Variants in FARS2 observed in about 807,000 individuals in gnomAD.
FARS2 encodes the protein phenylalanine--tRNA ligase, mitochondrial.
FARS2 carries 40 observed loss-of-function variants against 46.4 expected under a neutral mutation model. The ratio of observed to expected loss-of-function variants is 0.86; its 90% CI spans 0.67 to 1.12. FARS2 has a LOEUF of 1.12. FARS2 is among the 50% of genes most tolerant of loss of function. FARS2 has a pLI of 0.00. For missense variants in FARS2, 513 were observed against 567.9 expected (o/e 0.90, Z 0.98); for synonymous variants, 234 against 214.9 (o/e 1.09, Z -0.78).
intron 5 of FARS2, among the ~76,000 whole-genome samples, chr6:5,599,238 A>T (rs181134326): frequency 1.3e-5 from 2 of 152,200 alleles, no homozygotes; most frequent in Non-Finnish European, 2.9e-5. Flanking sequence ...TGGAAGGCTT[A>T]TATCTGTCTC....
intron 4 of FARS2, among the ~76,000 whole-genome samples, chr6:5,520,838 A>G (rs1374724896): frequency 1.3e-5 from 2 of 152,226 alleles, no homozygotes; most frequent in South Asian, 2.1e-4. Flanking sequence ...AAAATTGAAA[A>G]TCAGAGAATA....
chr6:5,393,197 G>A (rs76758481), intron 2 of FARS2, among the ~76,000 whole-genome samples: 14 of 152,056 alleles, frequency 9.2e-5, no homozygotes, highest in African/African-American at 2.7e-4. Flanking sequence ...ATTGAATCCT[G>A]TAATGCACAG....
intron 4 of FARS2, among the ~76,000 whole-genome samples, chr6:5,462,022 T>C (rs1765270108): frequency 6.6e-6 from 1 of 152,210 alleles, no homozygotes; most frequent in African/African-American, 2.4e-5. Flanking sequence ...TGACCGTACA[T>C]GAGCAATACA....
chr6:5,580,334 A>T (rs1470674686), intron 5 of FARS2, among the ~76,000 whole-genome samples: 1 of 150,486 alleles, frequency 6.6e-6, no homozygotes, highest in South Asian at 2.1e-4. Context: ...GAAGGAAGGA[A>T]GGAAGGAAAG....
chr6:5,533,913 C>G (rs1344827458), intron 4 of FARS2, among the ~76,000 whole-genome samples: 12 of 152,198 alleles, frequency 7.9e-5, no homozygotes, highest in Non-Finnish European at 1.3e-4. Flanking sequence ...CCTTTTGTTA[C>G]GCTGTGAAAT....
chr6:5,546,350 A>G (rs2150503957), intron 5 of FARS2, among the ~76,000 whole-genome samples: 1 of 150,832 alleles, frequency 6.6e-6, no homozygotes, highest in South Asian at 2.1e-4. Flanking sequence ...TCCTGGGTTC[A>G]AGCAATTCTC....
At chr6:5,726,574 T>C (rs936151799) in intron 6 of FARS2, among the ~76,000 whole-genome samples, 1 of 152,196 alleles carries the variant, frequency 6.6e-6, no homozygotes, top group African/African-American at 2.4e-5. Flanking sequence ...TTTCCTTTAA[T>C]ATTTCTGCAA....
rs116173507 is a variant in FARS2, at chr6:5,364,494, C to G, written c.-21-4056C>G. ...TTGTATTCTTGCTCCTTTTTTGTGA[C>G]TTTATAATCTACATATATTTGTGAC... On this transcript the variant is annotated intron_variant, in intron 1 of 6. Transcript: ENST00000274680. Among the ~76,000 whole-genome samples the G allele has an allele frequency of 3.4e-3, 510 of 152,184 alleles. 1 individual carries two copies. Among genetic ancestry groups the G allele is most frequent in the African/African-American group, 0.012 (488 of 41,520 alleles).
chr6:5,456,462 G>A (rs1036255323), intron 4 of FARS2, among the ~76,000 whole-genome samples: 40 of 149,136 alleles, frequency 2.7e-4, no homozygotes, highest in African/African-American at 8.7e-4. Context: ...GGCCAGGCAC[G>A]GTGGCTCACG....
intron 3 of FARS2, among the ~76,000 whole-genome samples, chr6:5,414,685 C>T (rs1305384848): frequency 6.6e-6 from 1 of 151,332 alleles, no homozygotes; most frequent in African/African-American, 2.4e-5. Flanking sequence ...GGGTTGTTTC[C>T]AGGTTTTGGC....
chr6:5,493,737 C>G (rs976844767), intron 4 of FARS2, among the ~76,000 whole-genome samples: 1 of 152,122 alleles, frequency 6.6e-6, no homozygotes, highest in Non-Finnish European at 1.5e-5. Context: ...AGAAAGCACC[C>G]GGAATGAATG....
intron 6 of FARS2, among the ~76,000 whole-genome samples, chr6:5,718,235 A>G (rs1759654671): frequency 6.6e-6 from 1 of 152,052 alleles, no homozygotes. Flanking sequence ...TTAAAGGGCC[A>G]TTTTATTTTT....
chr6:5,634,380 G>A lies in FARS2; in HGVS notation c.1217+21060G>A, dbSNP rs1014111966. Among the ~76,000 whole-genome samples the A allele has an allele frequency of 4.6e-5, 7 of 152,170 alleles. No homozygotes were observed. The East Asian group carries it at 1.2e-3, about 25-fold the overall frequency. On this transcript the variant is annotated intron_variant, in intron 6 of 6. Coordinates refer to ENST00000274680, the MANE Select transcript of FARS2 (RefSeq NM_006567.5). ...GGCAGTGGTATGATCACAGTTCACT[G>A]CAGCCTTGACCTTCCGGGCTCAAGC...
chr6:5,373,854 C>T (rs149559357), intron 2 of FARS2, among the ~76,000 whole-genome samples: 94 of 151,778 alleles, frequency 6.2e-4, no homozygotes, highest in Admixed American at 2.4e-3. Context: ...GGGATGAAAA[C>T]GATACCCGTA....
chr6:5,281,849 A>C (rs563134963), intron 1 of FARS2, among the ~76,000 whole-genome samples: 1 of 152,336 alleles, frequency 6.6e-6, no homozygotes, highest in East Asian at 1.9e-4. Flanking sequence ...CAATTTAGTC[A>C]GTGCTCCTAG....
chr6:5,351,267 A>G (rs1757555886), intron 1 of FARS2, among the ~76,000 whole-genome samples: 1 of 152,232 alleles, frequency 6.6e-6, no homozygotes, highest in South Asian at 2.1e-4. Context: ...AATATGTTGA[A>G]TGATTGATTT....
chr6:5,696,524 A>G (rs752162492), intron 6 of FARS2, among the ~76,000 whole-genome samples: 32 of 152,198 alleles, frequency 2.1e-4, no homozygotes, highest in Non-Finnish European at 4.1e-4. Flanking sequence ...TCAAGTAGCC[A>G]TTATAAAGTA....
At position 5,558,547 on chromosome 6, in the gene FARS2, A is replaced by T. The variant is rs529438866; in HGVS notation, c.1065+13207A>T. On this transcript the variant is annotated intron_variant, in intron 5 of 6. Coordinates refer to ENST00000274680, the MANE Select transcript of FARS2 (RefSeq NM_006567.5). ...ATTTTATTTAATTATTTATTTGTTT[A>T]TTTTTTTGAGACGGAGTCTCTCTCT... Among the ~76,000 whole-genome samples the T allele has an allele frequency of 5.3e-3, 812 of 151,834 alleles. 14 individuals carry two copies. The highest frequency in any genetic ancestry group is 0.018 in the African/African-American group (730 of 41,366).
intron 4 of FARS2, among the ~76,000 whole-genome samples, chr6:5,528,730 GA>G (rs767874710): frequency 6.6e-5 from 10 of 152,174 alleles, no homozygotes; most frequent in Non-Finnish European, 1.0e-4. Flanking sequence ...TTGGAGCAAT[GA>G]AATGTAAGAC....
Sources: allele counts gnomAD v4.1 joint callset (sites outside exome capture counted in the v4.1 genomes callset), GRCh38; gene constraint gnomAD v4.1.1; transcripts MANE v1.5; gene names NCBI Gene and HGNC (gene_info 2026-07-23, HGNC 2026-07-21).